The following AFG2A variants were observed in gnomAD, a reference collection of about 807,000 sequenced individuals.
AFG2A encodes ATPase family gene 2 protein homolog A.
the AFG2A span, among the ~76,000 whole-genome samples, chr4:123,039,327 A>G: frequency 1.3e-5 from 2 of 152,118 alleles, no homozygotes; most frequent in African/African-American, 2.4e-5. Context: ...GGTAATTGCA[A>G]TAAAAACAGT....
chr4:123,264,170 A>G, the AFG2A span, among the ~76,000 whole-genome samples: 1 of 152,308 alleles, frequency 6.6e-6, no homozygotes, highest in South Asian at 2.1e-4. Context: ...TGAGTATGCA[A>G]AGGCATAAGA....
the AFG2A span, among the ~76,000 whole-genome samples, chr4:123,062,300 T>G: frequency 1.2e-4 from 18 of 152,238 alleles, no homozygotes; most frequent in African/African-American, 4.3e-4. Context: ...GTATACTTAC[T>G]TATAAACCTG....
At chr4:123,156,245 GA>G in the AFG2A span, among the ~76,000 whole-genome samples, 99 of 147,932 alleles carry the variant, frequency 6.7e-4, no homozygotes, top group African/African-American at 2.3e-3. Flanking sequence ...GTTTTGAACA[GA>G]AAAAAAAAAT....
chr4:123,071,923 C>A, the AFG2A span, among the ~76,000 whole-genome samples: 1 of 152,208 alleles, frequency 6.6e-6, no homozygotes, highest in African/African-American at 2.4e-5. Context: ...TTCTTCAGTA[C>A]AGCTTCCTTT....
At chr4:123,299,533 T>C in the AFG2A span, among the ~76,000 whole-genome samples, 1 of 152,204 alleles carries the variant, frequency 6.6e-6, no homozygotes, top group Non-Finnish European at 1.5e-5. Flanking sequence ...AGAGAGTACA[T>C]TGACTAAGAT....
At chr4:122,924,352 A>G in the AFG2A span, among the ~76,000 whole-genome samples, 2 of 152,116 alleles carry the variant, frequency 1.3e-5, no homozygotes, top group African/African-American at 2.4e-5. Context: ...TCCCTAGCCT[A>G]TTCCTCTTTG....
the AFG2A span, among the ~76,000 whole-genome samples, chr4:123,043,875 CA>C: frequency 6.6e-6 from 1 of 152,150 alleles, no homozygotes; most frequent in African/African-American, 2.4e-5. Flanking sequence ...CTCACTTTCT[CA>C]AAACACTTGC....
the AFG2A span, among the ~76,000 whole-genome samples, chr4:123,262,761 T>C: frequency 6.6e-6 from 1 of 152,344 alleles, no homozygotes; most frequent in East Asian, 1.9e-4. Context: ...TTGTGAATAA[T>C]GTTTGCAATT....
chr4:123,035,077 C>T, the AFG2A span, among the ~76,000 whole-genome samples: 2 of 152,186 alleles, frequency 1.3e-5, no homozygotes, highest in Admixed American at 1.3e-4. Flanking sequence ...TGGGGCTGCC[C>T]TGAACTTGCC....
the AFG2A span, among the ~76,000 whole-genome samples, chr4:123,230,330 T>C: frequency 2.0e-5 from 3 of 152,022 alleles, no homozygotes; most frequent in Non-Finnish European, 4.4e-5. Context: ...GTTCACAGCG[T>C]CTTCACCAGG....
At chr4:123,004,613 G>T in the AFG2A span, among the ~76,000 whole-genome samples, 2 of 152,018 alleles carry the variant, frequency 1.3e-5, no homozygotes, top group African/African-American at 4.8e-5. Context: ...TTTGCACATT[G>T]CTGAATACTG....
At chr4:123,238,566 A>AC in the AFG2A span, among the ~76,000 whole-genome samples, 7 of 152,312 alleles carry the variant, frequency 4.6e-5, no homozygotes, top group East Asian at 1.2e-3. Context: ...CCTCCAGCAA[A>AC]CTCCAACAGA....
chr4:122,985,963 T>C, the AFG2A span, among the ~76,000 whole-genome samples: 1 of 151,986 alleles, frequency 6.6e-6, no homozygotes, highest in Admixed American at 6.6e-5. Context: ...GAGGTTTTGA[T>C]AGACTGTATC....
At chr4:123,243,853 A>G in the AFG2A span, among the ~76,000 whole-genome samples, 1 of 151,958 alleles carries the variant, frequency 6.6e-6, no homozygotes, top group African/African-American at 2.4e-5. Flanking sequence ...CCGTCTGTCC[A>G]AAAAAATAAA....
chr4:123,039,080 T>A, the AFG2A span, among the ~76,000 whole-genome samples: 2 of 152,074 alleles, frequency 1.3e-5, no homozygotes, highest in Non-Finnish European at 2.9e-5. Flanking sequence ...ATCTTGTACT[T>A]TCTAACATTA....
chr4:123,144,666 G>A, the AFG2A span, among the ~76,000 whole-genome samples: 2 of 152,042 alleles, frequency 1.3e-5, no homozygotes, highest in South Asian at 4.1e-4. Context: ...AAAAGCAAAA[G>A]CATTTCTCTC....
At chr4:123,305,639 C>G in the AFG2A span, among the ~76,000 whole-genome samples, 2 of 152,144 alleles carry the variant, frequency 1.3e-5, no homozygotes, top group African/African-American at 4.8e-5. Flanking sequence ...GCTTTTCCTT[C>G]CTGTTGATTA....
At chr4:122,981,205 G>T in the AFG2A span, among the ~76,000 whole-genome samples, 4 of 152,072 alleles carry the variant, frequency 2.6e-5, no homozygotes, top group African/African-American at 9.7e-5. Flanking sequence ...CCAGTTTCAT[G>T]TGTGGACATA....
At chr4:123,046,826 T>C in the AFG2A span, among the ~76,000 whole-genome samples, 2 of 152,200 alleles carry the variant, frequency 1.3e-5, no homozygotes, top group Non-Finnish European at 2.9e-5. Context: ...GTAACCACCA[T>C]TCTACGCTTT....
Sources: gnomAD v4.1 joint callset for allele counts (sites outside exome capture counted in the v4.1 genomes callset) on GRCh38, gnomAD v4.1.1 for gene constraint, MANE v1.5 for transcripts, NCBI Gene and HGNC (gene_info 2026-07-23, HGNC 2026-07-21) for gene names.